Variants in ESS2 observed in about 807,000 individuals in gnomAD.
ESS2 encodes the protein splicing factor ESS-2 homolog.
In ESS2, 31 loss-of-function variants were observed where a neutral mutation model predicts 52.0. That is an observed-to-expected ratio of 0.60 (90% CI 0.45 to 0.81). ESS2 has a LOEUF of 0.81. Ranked by LOEUF, ESS2 falls within the 30% of genes least tolerant of loss-of-function variation. ESS2 has a pLI of 0.00. For synonymous variants in ESS2, 285 were observed against 259.2 expected, an observed-to-expected ratio of 1.10 and a Z score of -0.95; for missense variants, 602 against 637.2, an observed-to-expected ratio of 0.94 and a Z score of 0.59.
At chr22:19,135,358 G>A (rs1231322920) in intron 8 of ESS2, among the ~76,000 whole-genome samples, 183 bp from the exon 9 acceptor site, 7 of 152,210 alleles carry the variant, frequency 4.6e-5, no homozygotes, top group African/African-American at 1.4e-4. Context: ...TGCCCAAGGC[G>A]CAGCACTCCT....
Position 19,133,669 on chromosome 22 carries a change from G to A in ESS2, c.*527C>T, listed in dbSNP as rs1285239327. 6.5e-6 allele frequency: 1 copy of A among 152,740 alleles called. No homozygotes were observed. Among genetic ancestry groups the A allele is most frequent in the African/African-American group, 2.4e-5 (1 of 41,440 alleles). 9.5% of individuals were successfully genotyped at this position (152,740 alleles called of 1,614,324 possible). On this transcript the variant is annotated 3_prime_UTR_variant, in exon 10 of 10. Transcript: ENST00000252137. ...GGCCCAGAACCGCAGGGGAACCTAA[G>A]GGTACAACTTCCAAGGGCTCCGTTT...
intron 6 of ESS2, among the ~76,000 whole-genome samples, chr22:19,138,823 G>A (rs2083631698): frequency 1.3e-5 from 2 of 152,158 alleles, no homozygotes; most frequent in Non-Finnish European, 2.9e-5. Flanking sequence ...GCCACCCCCT[G>A]GGGCTGGGCT....
intron 1 of ESS2, 69 bp from the exon 2 acceptor site, chr22:19,142,963 T>C: frequency 3.4e-6 from 5 of 1,483,082 alleles, no homozygotes; most frequent in Non-Finnish European, 4.6e-6. Flanking sequence ...TCCCAACACT[T>C]TGGGAGGCCA....
At chr22:19,140,165 C>A (rs1392260592) in intron 3 of ESS2, 141 bp from the exon 4 acceptor site, 2 of 1,091,394 alleles carry the variant, frequency 1.8e-6, no homozygotes, top group African/African-American at 3.1e-5. Flanking sequence ...CATGAAAGCC[C>A]ACACTGCCAA....
At chr22:19,140,935 G>C (rs2083675922) in intron 3 of ESS2, among the ~76,000 whole-genome samples, 1 of 152,150 alleles carries the variant, frequency 6.6e-6, no homozygotes, top group Admixed American at 6.5e-5. Context: ...CTACCACTTA[G>C]GTTCTGAAAA....
In ESS2 at chr22:19,131,287, C is replaced by CCAGCCCAGGG. The variant is rs1167186188; in HGVS notation, c.*2899_*2908dup. ...GAGTGTTCCACCCCTGAGTCGAAGC[C>CCAGCCCAGGG]CAGCCCAGGGCAGCCCAGCCAGACG... On this transcript the variant is annotated 3_prime_UTR_variant, in exon 10 of 10. Coordinates refer to ENST00000252137, the MANE Select transcript of ESS2 (RefSeq NM_022719.3). The surrounding 1 kb of genome is among the most constrained non-coding windows in gnomAD (Gnocchi z 5.7). 2.1e-6 allele frequency: 2 copies of CCAGCCCAGGG among 930,522 alleles called. No homozygotes were observed. The highest frequency in any genetic ancestry group is 3.3e-6 in the Non-Finnish European group (2 of 607,318). The allele number at this position is 930,522 out of a possible 1,614,324, so 57.6% of individuals were successfully genotyped here.
intron 3 of ESS2, 96 bp from the exon 4 acceptor site, chr22:19,140,120 G>A: frequency 6.9e-7 from 1 of 1,456,012 alleles, no homozygotes; most frequent in Admixed American, 1.8e-5. Context: ...CAACATGCAG[G>A]GCTGGAATCC....
intron 1 of ESS2, among the ~76,000 whole-genome samples, chr22:19,143,365 A>G (rs2083727362): frequency 6.6e-6 from 1 of 152,068 alleles, no homozygotes; most frequent in African/African-American, 2.4e-5. Flanking sequence ...GGCACTTTCT[A>G]GTGGGGTTGA....
intron 7 of ESS2, chr22:19,137,921 A>G (rs1310264233): frequency 1.0e-6 from 1 of 985,336 alleles, no homozygotes; most frequent in Non-Finnish European, 1.2e-6. Context: ...TTAGACTCAT[A>G]AGCACTGTGC....
At chr22:19,140,603 T>A (rs968143134) in intron 3 of ESS2, among the ~76,000 whole-genome samples, 1 of 149,102 alleles carries the variant, frequency 6.7e-6, no homozygotes, top group East Asian at 1.9e-4. Context: ...CACCCCCCCC[T>A]CCGACCAACC....
rs1289777210 is a variant in ESS2 at position 19,133,993 on chromosome 22, T to A, written c.*203A>T. The A allele has an allele frequency of 2.0e-6, 1 of 498,198 alleles. No homozygotes were observed. The highest frequency in any genetic ancestry group is 3.2e-6 in the Non-Finnish European group (1 of 313,274). The allele number at this position is 498,198 out of a possible 1,614,324, so 30.9% of individuals were successfully genotyped here. A position where few individuals can be genotyped will look rare whatever the true frequency, so the allele number is the denominator to read the frequency against. On this transcript the variant is annotated 3_prime_UTR_variant, in exon 10 of 10. Coordinates refer to ENST00000252137, the MANE Select transcript of ESS2 (RefSeq NM_022719.3). ...AGGGGCCAATTAAACAGCAAACAGCTTGGCAAGGCCCTGGGGTGTGGTGTG... is the reference window on the plus strand; with the variant it reads ...AGGGGCCAATTAAACAGCAAACAGCATGGCAAGGCCCTGGGGTGTGGTGTG...
chr22:19,133,451 G>A lies in ESS2; in HGVS notation c.*745C>T, dbSNP rs2083529551. On this transcript the variant is annotated 3_prime_UTR_variant, in exon 10 of 10. Coordinates refer to ENST00000252137, the MANE Select transcript of ESS2 (RefSeq NM_022719.3). ...CTCCTGTTGGTGGAAGTGACCAGGT[G>A]AGGCCAGGGCCAGCAGCATAAGATG... is the stretch of plus-strand genomic sequence containing the variant. 1 of 152,988 alleles carries A rather than the reference G, an allele frequency of 6.5e-6. No individual in the cohort carries two copies. The highest frequency in any genetic ancestry group is 2.4e-5 in the African/African-American group (1 of 41,452). The allele number at this position is 152,988 out of a possible 1,614,324, so 9.5% of individuals were successfully genotyped here. A position where few individuals can be genotyped will look rare whatever the true frequency, so the allele number is the denominator to read the frequency against.
At chr22:19,138,140 AG>A in intron 7 of ESS2, 74 bp downstream of exon 7, 2 of 1,599,718 alleles carry the variant, frequency 1.3e-6, no homozygotes, top group Non-Finnish European at 1.7e-6. Flanking sequence ...AGGAGTGGCC[AG>A]GGCCGACTGA....
intron 3 of ESS2, among the ~76,000 whole-genome samples, chr22:19,141,281 A>G (rs1257200822): frequency 2.0e-5 from 3 of 152,254 alleles, no homozygotes; most frequent in African/African-American, 7.2e-5. Context: ...ATGTTTGTGC[A>G]AACACACAAC....
intron 1 of ESS2, among the ~76,000 whole-genome samples, chr22:19,143,202 CAAAAAAAA>C (rs10632625): frequency 1.8e-5 from 2 of 113,056 alleles, no homozygotes; most frequent in African/African-American, 3.5e-5. Context: ...GAGACCGTCT[CAAAAAAAA>C]AAAAAAAAAA....
chr22:19,133,044 T>A lies in ESS2; in HGVS notation c.*1152A>T, dbSNP rs1007316056. ...CCTCCTCTTCCTCTATTTCCTGGAG[T>A]CATGTGAGATTTCTGTCCTCAGCCC... On this transcript the variant is annotated 3_prime_UTR_variant, in exon 10 of 10. Coordinates refer to ENST00000252137, the MANE Select transcript of ESS2 (RefSeq NM_022719.3). The A allele has an allele frequency of 6.5e-6, 1 of 153,320 alleles. No individual in the cohort carries two copies. The highest frequency in any genetic ancestry group is 6.5e-5 in the Admixed American group (1 of 15,458). 9.5% of individuals were successfully genotyped at this position (153,320 alleles called of 1,614,324 possible). A position where few individuals can be genotyped will look rare whatever the true frequency, so the allele number is the denominator to read the frequency against.
chr22:19,134,005 T>G lies in ESS2; in HGVS notation c.*191A>C. 1 of 563,370 alleles carries G rather than the reference T, an allele frequency of 1.8e-6. No individual in the cohort carries two copies. The highest frequency in any genetic ancestry group is 2.7e-6 in the Non-Finnish European group (1 of 368,714). 34.9% of individuals were successfully genotyped at this position (563,370 alleles called of 1,614,324 possible). ...AACAGCAAACAGCTTGGCAAGGCCC[T>G]GGGGTGTGGTGTGGGCACGAGTGCC... On this transcript the variant is annotated 3_prime_UTR_variant, in exon 10 of 10. Transcript: ENST00000252137.
At chr22:19,137,254 C>CCA in intron 8 of ESS2, 69 bp downstream of exon 8, 1 of 1,183,844 alleles carries the variant, frequency 8.4e-7, no homozygotes, top group Non-Finnish European at 1.2e-6. Context: ...CAGTCCTGAG[C>CCA]CACAGGCACT....
chr22:19,134,811 C>G (rs1241079015), intron 9 of ESS2, among the ~76,000 whole-genome samples: 1 of 152,132 alleles, frequency 6.6e-6, no homozygotes, highest in Admixed American at 6.5e-5. Context: ...GACCACACGC[C>G]TAAAGATGCC....
Sources: allele counts gnomAD v4.1 joint callset (sites outside exome capture counted in the v4.1 genomes callset), GRCh38; gene constraint gnomAD v4.1.1; non-coding constraint Gnocchi (gnomAD v3.1); transcripts MANE v1.5; gene names NCBI Gene and HGNC (gene_info 2026-07-23, HGNC 2026-07-21).